Variants in DNER observed in about 807,000 individuals in gnomAD.
The protein encoded by DNER is delta/notch like EGF repeat containing, also known as delta and Notch-like epidermal growth factor-related receptor.
In DNER, 33 loss-of-function variants were observed where a neutral mutation model predicts 78.2. The observed-to-expected ratio is 0.42, with a 90% confidence interval of 0.32 to 0.56. The LOEUF (loss-of-function observed/expected upper bound fraction) is 0.56, where lower values mean the gene tolerates loss of function less well. Ranked by LOEUF, DNER falls within the 20% of genes least tolerant of loss-of-function variation. The pLI is 0.11. For synonymous variants in DNER, 417 were observed against 384.8 expected (o/e 1.08, Z -0.98); for missense variants, 918 against 975.3 (o/e 0.94, Z 0.78).
intron 1 of DNER, among the ~76,000 whole-genome samples, chr2:229,662,192 C>T (rs7587835): frequency 0.86 from 131,364 of 152,170 alleles, 58,782 homozygotes; most frequent in Non-Finnish European, 0.98. Context: ...TGTCGTCAGG[C>T]GAACTGGGAC....
At chr2:229,587,126 A>G (rs1016504466) in intron 3 of DNER, 6 of 280,410 alleles carry the variant, frequency 2.1e-5, no homozygotes, top group African/African-American at 1.4e-4. Flanking sequence ...AAAATTTGGA[A>G]AGGTTTATCA....
intron 5 of DNER, among the ~76,000 whole-genome samples, chr2:229,517,109 CAA>C (rs57947628): frequency 4.7e-3 from 270 of 57,878 alleles, no homozygotes; most frequent in African/African-American, 0.014. Flanking sequence ...GACTCCGTCT[CAA>C]AAAAAAAAAA....
At chr2:229,613,632 CA>C (rs142768345) in intron 1 of DNER, among the ~76,000 whole-genome samples, 3 of 146,150 alleles carry the variant, frequency 2.1e-5, no homozygotes, top group Admixed American at 6.8e-5. Flanking sequence ...TCTACATTTC[CA>C]AAAAAAAAGA....
rs116983434 is a variant in DNER at position 229,535,531 on chromosome 2, C to T, written c.993+11416G>A. ...CAATGCCCAGAGTCCACTGGTGCTT[C>T]GAAAAAGTGCTACTATACTATCCTC... On this transcript the variant is annotated intron_variant, in intron 5 of 12. Transcript: ENST00000341772. Among the ~76,000 whole-genome samples the T allele has an allele frequency of 1.8e-3, 271 of 152,194 alleles. 5 individuals carry two copies. In the East Asian group the frequency reaches 0.021, roughly 12 times the overall value.
chr2:229,647,631 T>C (rs1483384631), intron 1 of DNER, among the ~76,000 whole-genome samples: 1 of 152,210 alleles, frequency 6.6e-6, no homozygotes, highest in African/African-American at 2.4e-5. Flanking sequence ...ATCCAAGATA[T>C]CTATAACTTA....
rs79439996 is a variant in DNER, at chr2:229,701,551, G to A, written c.276+12597C>T. Among the ~76,000 whole-genome samples the A allele has an allele frequency of 1.2e-3, 181 of 152,324 alleles. 3 individuals are homozygous for A. The East Asian group carries it at 0.029, about 24-fold the overall frequency. On this transcript the variant is annotated intron_variant, in intron 1 of 12. Transcript: ENST00000341772. ...ACTTCGAGGTCCCTGGCTAGCTCCT[G>A]GTCTATGTCTTAGTCCATGCTCAGA...
chr2:229,443,628 A>G (rs1694282834), intron 8 of DNER, among the ~76,000 whole-genome samples: 1 of 152,200 alleles, frequency 6.6e-6, no homozygotes, highest in Non-Finnish European at 1.5e-5. Context: ...AGTAATCAAA[A>G]TGGCATTTTG....
chr2:229,499,244 G>T (rs1467342771), intron 6 of DNER, among the ~76,000 whole-genome samples: 2 of 152,026 alleles, frequency 1.3e-5, no homozygotes, highest in African/African-American at 4.8e-5. Context: ...TCAGGAGTTT[G>T]AGACCAGCCT....
intron 11 of DNER, among the ~76,000 whole-genome samples, chr2:229,383,746 C>G (rs1692798182): frequency 6.6e-6 from 1 of 152,132 alleles, no homozygotes; most frequent in Non-Finnish European, 1.5e-5. Flanking sequence ...AAAGGAGCAT[C>G]CAGATTCATA....
intron 10 of DNER, among the ~76,000 whole-genome samples, chr2:229,391,110 A>G (rs2106337332): frequency 1.3e-5 from 2 of 152,338 alleles, no homozygotes; most frequent in Middle Eastern, 3.4e-3. Flanking sequence ...TCTCTGCCTT[A>G]CAGTGATCAT....
chr2:229,539,233 T>C (rs762947701), intron 5 of DNER, among the ~76,000 whole-genome samples: 7 of 152,182 alleles, frequency 4.6e-5, no homozygotes, highest in Non-Finnish European at 1.0e-4. Flanking sequence ...GCATTAATGA[T>C]GTAGAGGAAT....
At chr2:229,585,132 G>A (rs1262698313) in intron 4 of DNER, among the ~76,000 whole-genome samples, 3 of 152,222 alleles carry the variant, frequency 2.0e-5, no homozygotes, top group Non-Finnish European at 2.9e-5. Flanking sequence ...GTGTTTGAAC[G>A]CCCTAAGTCA....
intron 3 of DNER, 67 bp from the exon 4 acceptor site, chr2:229,586,091 A>C (rs1697490492): frequency 2.0e-6 from 3 of 1,507,602 alleles, no homozygotes; most frequent in Non-Finnish European, 2.7e-6. Flanking sequence ...CCAGTTCTTC[A>C]AATTAAAAAT....
At position 229,407,270 on chromosome 2, in the gene DNER, C is replaced by T. The variant is rs769857948; in HGVS notation, c.1685G>A (p.Gly562Asp). ...CLNGATCDSD[G>D]LNGTCICAPG... ...TGCACAGATGCACGTGCCATTCAGG[C>T]CGTCGCTGTCACAGGTGGCTCCGTT... The change falls in exon 10 of 13, where the codon GGC becomes GAC. Residue 562 changes from glycine to aspartate, a missense_variant. Coordinates refer to ENST00000341772, the MANE Select transcript of DNER (RefSeq NM_139072.4). 8.1e-6 allele frequency: 13 copies of T among 1,613,762 alleles called. No individual in the cohort carries two copies. The highest frequency in any genetic ancestry group is 3.3e-5 in the South Asian group (3 of 91,060).
intron 6 of DNER, among the ~76,000 whole-genome samples, chr2:229,495,041 T>C (rs1238084438): frequency 1.3e-5 from 2 of 152,198 alleles, no homozygotes; most frequent in Non-Finnish European, 2.9e-5. Flanking sequence ...TTTCTCATTT[T>C]TTTGCAATAT....
intron 1 of DNER, among the ~76,000 whole-genome samples, chr2:229,595,995 T>C (rs931798771): frequency 6.6e-5 from 10 of 151,170 alleles, no homozygotes; most frequent in South Asian, 2.1e-4. Context: ...CTTTTTTTTT[T>C]CTAAAATATC....
intron 9 of DNER, among the ~76,000 whole-genome samples, chr2:229,414,559 G>A (rs1693601072): frequency 6.6e-6 from 1 of 152,190 alleles, no homozygotes. Flanking sequence ...ACCAAGCCAG[G>A]AGTGAAATGT....
At chr2:229,708,825 C>T (rs991786217) in intron 1 of DNER, among the ~76,000 whole-genome samples, 4 of 152,080 alleles carry the variant, frequency 2.6e-5, no homozygotes, top group African/African-American at 4.8e-5. Flanking sequence ...ATGCAGTGCA[C>T]GAAACAGGCA....
chr2:229,581,874 G>GTTT (rs1383249974), intron 4 of DNER, among the ~76,000 whole-genome samples: 4 of 146,854 alleles, frequency 2.7e-5, no homozygotes, highest in African/African-American at 1.1e-4. Context: ...CATCAGTTAT[G>GTTT]TTTATTTTTA....
Sources: allele counts gnomAD v4.1 joint callset (sites outside exome capture counted in the v4.1 genomes callset), GRCh38; gene constraint gnomAD v4.1.1; transcripts MANE v1.5; gene names NCBI Gene and HGNC (gene_info 2026-07-23, HGNC 2026-07-21).